MSI1: variants seen among roughly 807,000 people sequenced by gnomAD.
MSI1 encodes RNA-binding protein Musashi homolog 1.
MSI1 carries 15 observed loss-of-function variants against 54.4 expected under a neutral mutation model. That is an observed-to-expected ratio of 0.28 (90% CI 0.18 to 0.42). The LOEUF (loss-of-function observed/expected upper bound fraction) is 0.42, where lower values mean the gene tolerates loss of function less well. Ranked by LOEUF, MSI1 falls within the 20% of genes least tolerant of loss-of-function variation. The probability of loss-of-function intolerance (pLI) is 1.00; values close to 1 mark genes in which losing one functional copy is unlikely to be tolerated. For synonymous variants in MSI1, 200 were observed against 196.5 expected (o/e 1.02, Z -0.15); for missense variants, 304 against 506.0 (o/e 0.60, Z 3.83).
At chr12:120,366,161 T>G (rs1876005728) in intron 4 of MSI1, among the ~76,000 whole-genome samples, 1 of 152,156 alleles carries the variant, frequency 6.6e-6, no homozygotes, top group African/African-American at 2.4e-5. Flanking sequence ...GTGGACGTCA[T>G]TCATAAGTTC....
intron 7 of MSI1, 96 bp downstream of exon 7, chr12:120,358,909 G>A (rs185822049): frequency 7.4e-7 from 1 of 1,356,020 alleles, no homozygotes; most frequent in African/African-American, 1.4e-5. Flanking sequence ...CTGGGGGATA[G>A]GATGTCAGAA....
intron 11 of MSI1, among the ~76,000 whole-genome samples, chr12:120,350,554 C>T (rs1422267537): frequency 1.3e-5 from 2 of 152,116 alleles, no homozygotes; most frequent in African/African-American, 4.8e-5. Context: ...TCCATGCTCA[C>T]GTCTTCCACA....
At chr12:120,339,790 T>A (rs371640055), downstream of MSI1, among the ~76,000 whole-genome samples, 18 of 151,636 alleles carry the variant, frequency 1.2e-4, no homozygotes, top group East Asian at 3.5e-3. Context: ...TAATTCTTTT[T>A]TTTTTTGAGA....
intron 6 of MSI1, 31 bp downstream of exon 6, chr12:120,363,012 C>T: frequency 6.3e-7 from 1 of 1,582,676 alleles, no homozygotes. Flanking sequence ...GTTCACAGCC[C>T]CAGCAGCAAG....
At chr12:120,356,114 G>A (rs1875092369) in intron 9 of MSI1, among the ~76,000 whole-genome samples, 1 of 152,130 alleles carries the variant, frequency 6.6e-6, no homozygotes, top group Non-Finnish European at 1.5e-5. Flanking sequence ...CAACCTCCAG[G>A]TGGGTTTAGG....
Position 120,345,757 on chromosome 12 carries a change from C to G in MSI1, c.1048-125G>C. The G allele has an allele frequency of 5.9e-6, 7 of 1,195,310 alleles. No homozygotes were observed. The South Asian group carries it at 6.4e-5, about 11-fold the overall frequency. The allele number at this position is 1,195,310 out of a possible 1,614,324, so 74.0% of individuals were successfully genotyped here. A position where few individuals can be genotyped will look rare whatever the true frequency, so the allele number is the denominator to read the frequency against. On this transcript the variant is annotated intron_variant, in intron 13 of 14. Transcript: ENST00000257552. ...CTCTCTACCTGTCCGGATCGCCCCC[C>G]TACTGCAGGTCTGCCTACCCGGATC...
intron 14 of MSI1, among the ~76,000 whole-genome samples, chr12:120,343,584 A>G (rs1592918672): frequency 6.6e-6 from 1 of 152,070 alleles, no homozygotes; most frequent in South Asian, 2.1e-4. Flanking sequence ...GAATGGCTGG[A>G]TTTATTTAAA....
At chr12:120,361,046 T>C (rs1295076271) in intron 6 of MSI1, among the ~76,000 whole-genome samples, 2 of 149,490 alleles carry the variant, frequency 1.3e-5, no homozygotes, top group Non-Finnish European at 2.9e-5. Flanking sequence ...CTATTATTAT[T>C]ATCTTTACAA....
chr12:120,358,644 G>A lies in MSI1; in HGVS notation c.451+361C>T, dbSNP rs1429684822. Among the ~76,000 whole-genome samples, 4 of 152,184 alleles carry A rather than the reference G, an allele frequency of 2.6e-5. No homozygotes were observed. The East Asian group carries it at 7.7e-4, about 29-fold the overall frequency. ...GCTGGGGGCTGGGGGCTGGGCAGGA[G>A]GTGACTGCCTGGGGCTGTGGAGTCA... is the stretch of plus-strand genomic sequence containing the variant. On this transcript the variant is annotated intron_variant, in intron 7 of 14. Coordinates refer to ENST00000257552, the MANE Select transcript of MSI1 (RefSeq NM_002442.4).
chr12:120,353,090 G>A (rs1442672777), intron 10 of MSI1, among the ~76,000 whole-genome samples: 1 of 148,334 alleles, frequency 6.7e-6, no homozygotes, highest in Non-Finnish European at 1.5e-5. Context: ...GCCATGCAGG[G>A]CCACGCTGGG....
At chr12:120,359,905 A>AG (rs2136965525) in intron 6 of MSI1, among the ~76,000 whole-genome samples, 1 of 152,256 alleles carries the variant, frequency 6.6e-6, no homozygotes, top group Admixed American at 6.5e-5. Flanking sequence ...GATTAAAAAA[A>AG]AACTTTTCTC....
intron 14 of MSI1, among the ~76,000 whole-genome samples, chr12:120,343,560 T>A (rs1011229756): frequency 6.6e-6 from 1 of 152,074 alleles, no homozygotes; most frequent in African/African-American, 2.4e-5. Flanking sequence ...TGGATGCCTC[T>A]TTCCCCAGAT....
intron 8 of MSI1, among the ~76,000 whole-genome samples, chr12:120,357,244 G>C (rs1875211625): frequency 6.6e-6 from 1 of 152,178 alleles, no homozygotes; most frequent in Non-Finnish European, 1.5e-5. Flanking sequence ...TACTATGATG[G>C]AGGAGCTTTT....
At chr12:120,353,199 C>A in intron 10 of MSI1, 100 bp downstream of exon 10, 8 of 1,151,860 alleles carry the variant, frequency 6.9e-6, no homozygotes, top group Non-Finnish European at 9.0e-6. Flanking sequence ...CTCCAGCAAG[C>A]AGACCCCCAG....
Position 120,347,461 on chromosome 12 carries a change from C to T in MSI1, c.844G>A (p.Val282Met), listed in dbSNP as rs750033416. ...AAGAGCTCACCTGTCCCTCGAACCA[C>T]AGCCGCTGCCGCCGCTGCCGCCGCC... ...PMAAAAAAAA[V>M]VRGTGSHPWT... Residue 282 changes from valine (V) to methionine (M), a missense_variant, in exon 12 of 15, where the codon GTG becomes ATG. By Grantham distance (21) the Val-to-Met change is conservative (BLOSUM62 1). Coordinates refer to ENST00000257552, the MANE Select transcript of MSI1 (RefSeq NM_002442.4). 14 of 1,614,130 alleles carry T rather than the reference C, an allele frequency of 8.7e-6. No individual in the cohort carries two copies. Among genetic ancestry groups the T allele is most frequent in the Non-Finnish European group, 1.2e-5 (14 of 1,180,042 alleles).
At chr12:120,363,269 C>A (rs577277530) in intron 5 of MSI1, 134 bp from the exon 6 acceptor site, 16 of 665,582 alleles carry the variant, frequency 2.4e-5, no homozygotes, top group African/African-American at 5.5e-5. Context: ...AGGCCCCCCC[C>A]CCGCAAGCTC....
Position 120,368,230 on chromosome 12 carries a change from C to G in MSI1, c.144G>C (p.Glu48Asp). 1 of 1,588,830 alleles carries G rather than the reference C, an allele frequency of 6.3e-7. No individual in the cohort carries two copies. Among genetic ancestry groups the G allele is most frequent in the Non-Finnish European group, 8.6e-7 (1 of 1,166,930 alleles). Residue 48 changes from glutamate to aspartate, a missense_variant, in exon 3 of 15, where the codon GAG (glutamate) becomes GAC (aspartate). Transcript: ENST00000257552. This position sits in a 1 kb window ranked among gnomAD's most constrained non-coding sequence, Gnocchi z 6.6. ...TCAGGGGGTCCCGCATCACCAGACACTCCTTCACCTCCCCGAACTGGCCGA... is the reference window on the plus strand; with the variant it reads ...TCAGGGGGTCCCGCATCACCAGACAGTCCTTCACCTCCCCGAACTGGCCGA... Reference protein sequence around the residue: ...EYFGQFGEVKECLVMRDPLTK... With the variant: ...EYFGQFGEVKDCLVMRDPLTK...
At chr12:120,352,144 A>T (rs907184310) in intron 10 of MSI1, among the ~76,000 whole-genome samples, 4 of 151,870 alleles carry the variant, frequency 2.6e-5, no homozygotes, top group South Asian at 2.1e-4. Flanking sequence ...CAGCCTCCTC[A>T]GTAGCTGGGA....
At position 120,347,836 on chromosome 12, in the gene MSI1, C is replaced by T. The variant is rs375113712; in HGVS notation, c.791-322G>A. Among the ~76,000 whole-genome samples the T allele has an allele frequency of 1.4e-4, 22 of 152,006 alleles. No individual in the cohort carries two copies. In the East Asian group the frequency reaches 4.0e-3, roughly 28 times the overall value. On this transcript the variant is annotated intron_variant, in intron 11 of 14. Transcript: ENST00000257552. ...CAGGGCACCCAACCCTGAGAAGCTG[C>T]GAAGGTTGCCCGCAGCTGCCCCCTT... is the stretch of plus-strand genomic sequence containing the variant.
Sources: allele counts gnomAD v4.1 joint callset (sites outside exome capture counted in the v4.1 genomes callset), GRCh38; gene constraint gnomAD v4.1.1; non-coding constraint Gnocchi (gnomAD v3.1); transcripts MANE v1.5; gene names NCBI Gene and HGNC (gene_info 2026-07-23, HGNC 2026-07-21).